The following SYNE2 variants were observed in gnomAD, a reference collection of about 807,000 sequenced individuals.
The protein encoded by SYNE2 is nesprin-2.
SYNE2 carries 431 observed loss-of-function variants against 856.3 expected under a neutral mutation model. That is an observed-to-expected ratio of 0.50 (90% CI 0.47 to 0.55). The LOEUF (loss-of-function observed/expected upper bound fraction) is 0.55, where lower values mean the gene tolerates loss of function less well. SYNE2 is among the 20% of genes least tolerant of loss of function. SYNE2 has a pLI of 0.00. For missense variants in SYNE2, 8,129 were observed against 8,023.2 expected, an observed-to-expected ratio of 1.01 and a Z score of -0.50; for synonymous variants, 2,923 against 2,872.3, an observed-to-expected ratio of 1.02 and a Z score of -0.56.
chr14:64,131,560 TTTTG>T (rs1327916872), intron 76 of SYNE2, among the ~76,000 whole-genome samples: 2 of 152,144 alleles, frequency 1.3e-5, no homozygotes, highest in African/African-American at 4.8e-5. Context: ...GACATCTGTT[TTTTG>T]TTTGTTTGTT....
Position 64,097,950 on chromosome 14 carries a change from G to C in SYNE2, c.12110G>C (p.Gly4037Ala). The change falls in exon 62 of 116, where the codon GGA becomes GCA. Residue 4037 changes from glycine to alanine, a missense_variant and splice_region_variant. Physicochemically the swap from Gly to Ala is moderately conservative, Grantham distance 60. Coordinates refer to ENST00000555002, the MANE Select transcript of SYNE2 (RefSeq NM_182914.3). ...TATGCAAACACTCTTTCTACACAGG[G>C]AGAAATCGAACGTATGGAGAAACAG... Reference protein sequence around the residue: ...DQADKLPQLQGEIERMEKQIL... With the variant: ...DQADKLPQLQAEIERMEKQIL... 1 of 1,614,206 alleles carries C rather than the reference G, an allele frequency of 6.2e-7. No individual in the cohort carries two copies. The highest frequency in any genetic ancestry group is 8.5e-7 in the Non-Finnish European group (1 of 1,180,034).
In SYNE2 at chr14:63,795,838, G is replaced by A. The variant is rs573402803; in HGVS notation, c.-305+33852G>A. Reference sequence around the variant, plus strand: ...GAGAACAAACTATTAACACAATGTGGATGAACATCAAACACCTCATGCTCT... The same window carrying A: ...GAGAACAAACTATTAACACAATGTGAATGAACATCAAACACCTCATGCTCT... On this transcript the variant is annotated intron_variant, in intron 1 of 23. Transcript: ENST00000674003. 5.3e-5 allele frequency among the ~76,000 whole-genome samples: 8 copies of A among 152,300 alleles called. No homozygotes were observed. The South Asian group carries it at 1.0e-3, about 20-fold the overall frequency.
chr14:64,164,314 G>A (rs1432538093), intron 89 of SYNE2, among the ~76,000 whole-genome samples: 1 of 152,086 alleles, frequency 6.6e-6, no homozygotes, highest in Non-Finnish European at 1.5e-5. Context: ...GTTTCACCAT[G>A]TTAGCCAGGA....
intron 32 of SYNE2, among the ~76,000 whole-genome samples, chr14:64,011,210 C>A (rs539469794): frequency 6.6e-6 from 1 of 152,166 alleles, no homozygotes; most frequent in African/African-American, 2.4e-5. Flanking sequence ...GCTGGCCAGT[C>A]GGAAGCAGCC....
chr14:63,779,448 A>AG (rs1365925101), intron 1 of SYNE2, among the ~76,000 whole-genome samples: 2 of 151,108 alleles, frequency 1.3e-5, no homozygotes, highest in African/African-American at 4.8e-5. Context: ...TCAAAAAAAA[A>AG]AAAAAAAAGC....
At chr14:64,182,981 C>T (rs1165870120) in intron 96 of SYNE2, among the ~76,000 whole-genome samples, 1 of 149,858 alleles carries the variant, frequency 6.7e-6, no homozygotes, top group South Asian at 2.1e-4. Context: ...GCGCCCCCCA[C>T]CTCCCTCCCG....
chr14:64,083,950 G>A (rs1478602518), intron 57 of SYNE2, among the ~76,000 whole-genome samples: 1 of 149,084 alleles, frequency 6.7e-6, no homozygotes, highest in Non-Finnish European at 1.5e-5. Flanking sequence ...TTGAGACGGA[G>A]TTTCACTCTT....
intron 33 of SYNE2, among the ~76,000 whole-genome samples, chr14:64,017,308 G>T: frequency 8.8e-6 from 1 of 113,974 alleles, no homozygotes; most frequent in Non-Finnish European, 1.6e-5. Flanking sequence ...CAGCCTGGGC[G>T]ACAGAGCAAG....
Position 64,055,960 on chromosome 14 carries a change from C to T in SYNE2, c.9761C>T (p.Ala3254Val). Residue 3254 changes from alanine to valine, a missense_variant, in exon 49 of 116, where the codon GCT becomes GTT. Physicochemically the swap from Ala to Val is moderately conservative, Grantham distance 64. This residue lies in a region of SYNE2 where 5,410 missense variants were observed against 5,284.8 expected (regional missense o/e 1.02). Transcript: ENST00000555002. ...ATTCACTAGAATGTCTTGAATGATG[C>T]TTATGAAAATCTAACACGCTATAAA... ...IDLRTNVLND[A>V]YENLTRYKEA... The T allele has an allele frequency of 1.2e-6, 2 of 1,613,680 alleles. No homozygotes were observed. The highest frequency in any genetic ancestry group is 1.7e-6 in the Non-Finnish European group (2 of 1,179,682).
In SYNE2 at chr14:64,119,621, C is replaced by CT. The variant is rs767935779; in HGVS notation, c.13023+13dup. 3 of 1,613,650 alleles carry CT rather than the reference C, an allele frequency of 1.9e-6. No homozygotes were observed. The African/African-American group carries it at 4.0e-5, about 22-fold the overall frequency. On this transcript the variant is annotated intron_variant, in intron 67 of 115. Coordinates refer to ENST00000555002, the MANE Select transcript of SYNE2 (RefSeq NM_182914.3). The stretch of plus-strand genomic sequence containing the variant: ...ACAGTGAAGATCAGGTAAAAAATGA[C>CT]TATCTATGGACATTCATCTTGATAC...
chr14:63,921,949 G>A (rs996195440), intron 2 of SYNE2, among the ~76,000 whole-genome samples: 2 of 152,196 alleles, frequency 1.3e-5, no homozygotes, highest in South Asian at 2.1e-4. Context: ...TCCTCCACCA[G>A]ATGTGAGATC....
chr14:63,943,305 C>T (rs936153553), intron 6 of SYNE2, among the ~76,000 whole-genome samples: 1 of 152,190 alleles, frequency 6.6e-6, no homozygotes, highest in African/African-American at 2.4e-5. Flanking sequence ...CTTTATAAAA[C>T]ATATGATTGA....
chr14:63,803,562 G>A (rs1485520743), intron 1 of SYNE2, among the ~76,000 whole-genome samples: 3 of 152,216 alleles, frequency 2.0e-5, no homozygotes, highest in Admixed American at 6.5e-5. Flanking sequence ...CTCCGAGTGC[G>A]GGGCCCGCCA....
In SYNE2 at chr14:64,175,138, G is replaced by A; in HGVS notation, c.17430G>A (p.Glu5810=). ...EMIKQFQSTV[E]TWDQCEKKIK... ...TTAAGCAGTTCCAGAGCACTGTAGA[G>A]GTAAACTCACCACTTACTTTTCCAT... is the stretch of plus-strand genomic sequence containing the variant. Residue 5810 remains glutamate, a splice_region_variant and synonymous_variant, in exon 95 of 116, where the codon GAG becomes GAA. Coordinates refer to ENST00000555002, the MANE Select transcript of SYNE2 (RefSeq NM_182914.3). 1 of 1,613,772 alleles carries A rather than the reference G, an allele frequency of 6.2e-7. No homozygotes were observed. Among genetic ancestry groups the A allele is most frequent in the Non-Finnish European group, 8.5e-7 (1 of 1,179,808 alleles).
At chr14:64,062,580 T>G (rs2097325919) in intron 49 of SYNE2, among the ~76,000 whole-genome samples, 171 bp from the exon 50 acceptor site, 2 of 152,172 alleles carry the variant, frequency 1.3e-5, no homozygotes, top group Non-Finnish European at 2.9e-5. Context: ...GCAGGTCCCT[T>G]TGGGAATAAA....
intron 1 of SYNE2, among the ~76,000 whole-genome samples, chr14:63,781,494 T>C (rs1234647514): frequency 6.6e-6 from 1 of 151,800 alleles, no homozygotes; most frequent in African/African-American, 2.4e-5. Context: ...TTTTCTTTTT[T>C]TTTTCTTGGA....
At chr14:64,064,618 A>G (rs1412912569) in intron 50 of SYNE2, among the ~76,000 whole-genome samples, 1 of 147,926 alleles carries the variant, frequency 6.8e-6, no homozygotes, top group African/African-American at 2.5e-5. Context: ...CAATGGTGCA[A>G]TCATGGCTTA....
At chr14:64,046,979 T>G (rs923535242) in intron 45 of SYNE2, among the ~76,000 whole-genome samples, 4 of 152,230 alleles carry the variant, frequency 2.6e-5, no homozygotes, top group Admixed American at 2.0e-4. Context: ...AGTAGCTCAG[T>G]TGGCCCCTTG....
chr14:64,060,942 C>T (rs975133579), intron 49 of SYNE2, among the ~76,000 whole-genome samples: 2 of 152,138 alleles, frequency 1.3e-5, no homozygotes, highest in East Asian at 1.9e-4. Context: ...CCAGTTGCTG[C>T]GCTTTCCCTC....
Sources: allele counts gnomAD v4.1 joint callset (sites outside exome capture counted in the v4.1 genomes callset), GRCh38; gene constraint gnomAD v4.1.1; regional missense constraint gnomAD v4.1.1; transcripts MANE v1.5; gene names NCBI Gene and HGNC (gene_info 2026-07-23, HGNC 2026-07-21).